Variants in ZPLD1 observed in about 807,000 individuals in gnomAD.
The protein encoded by ZPLD1 is zona pellucida-like domain-containing protein 1.
Under a neutral mutation model 47.2 loss-of-function variants are expected in ZPLD1, and 34 were observed. That is an observed-to-expected ratio of 0.72 (90% CI 0.55 to 0.96). The LOEUF (loss-of-function observed/expected upper bound fraction) is 0.96, where lower values mean the gene tolerates loss of function less well. Among genes scored for constraint, ZPLD1 ranks in the 40% least tolerant of loss-of-function variants. The pLI is 0.00. For missense variants in ZPLD1, 512 were observed against 505.8 expected (o/e 1.01, Z -0.12); for synonymous variants, 176 against 186.2 (o/e 0.95, Z 0.45).
upstream of ZPLD1, among the ~76,000 whole-genome samples, chr3:102,432,211 A>G (rs1012559800): frequency 2.0e-5 from 3 of 152,174 alleles, no homozygotes; most frequent in Non-Finnish European, 4.4e-5. Context: ...TTTTCTGCAG[A>G]GCAGGTTTGA....
chr3:102,411,973 G>A (rs1055049524), intron 7 of ZPLD1, among the ~76,000 whole-genome samples: 5 of 151,786 alleles, frequency 3.3e-5, no homozygotes, highest in East Asian at 3.9e-4. Flanking sequence ...TCTGTAGGGC[G>A]GACTGGCAGG....
intron 8 of ZPLD1, among the ~76,000 whole-genome samples, chr3:102,429,048 T>C (rs1185990651): frequency 2.0e-5 from 3 of 152,156 alleles, no homozygotes; most frequent in South Asian, 2.1e-4. Flanking sequence ...AATTACTTAT[T>C]AGTCAAAGGT....
chr3:102,464,342 G>C, intron 8 of ZPLD1, 91 bp downstream of exon 8: 8 of 911,024 alleles, frequency 8.8e-6, no homozygotes, highest in Non-Finnish European at 1.2e-5. Context: ...AAATTATAAA[G>C]CACTATTATA....
chr3:102,458,977 C>G (rs1243350186), intron 6 of ZPLD1, among the ~76,000 whole-genome samples: 1 of 150,726 alleles, frequency 6.6e-6, no homozygotes, highest in Non-Finnish European at 1.5e-5. Context: ...GTAGTCCCAG[C>G]TACTCGGGAG....
upstream of ZPLD1, among the ~76,000 whole-genome samples, chr3:102,433,293 T>C (rs1707039020): frequency 1.3e-5 from 2 of 152,194 alleles, no homozygotes; most frequent in Admixed American, 6.5e-5. Context: ...GGGTTGTTTC[T>C]GTAGTCATTG....
At chr3:102,422,120 T>A (rs1706886943) in intron 8 of ZPLD1, among the ~76,000 whole-genome samples, 1 of 152,018 alleles carries the variant, frequency 6.6e-6, no homozygotes, top group Non-Finnish European at 1.5e-5. Context: ...CACTATCCCC[T>A]TTGTAGCAAG....
intron 8 of ZPLD1, among the ~76,000 whole-genome samples, chr3:102,427,238 C>T (rs1303994896): frequency 6.6e-6 from 1 of 152,026 alleles, no homozygotes; most frequent in Non-Finnish European, 1.5e-5. Flanking sequence ...AAAAGTATAC[C>T]ACCAATAGCG....
rs563097750 is a variant in ZPLD1, at chr3:102,461,154, C to T, written c.583-1127C>T. 5.3e-5 allele frequency among the ~76,000 whole-genome samples: 8 copies of T among 152,036 alleles called. No homozygotes were observed. The South Asian group carries it at 1.5e-3, about 28-fold the overall frequency. The stretch of plus-strand genomic sequence containing the variant: ...CAAAATATTTTGCTTTCTTCCAAGC[C>T]TTCTAAAGATATTATGGTTGATATG... On this transcript the variant is annotated intron_variant, in intron 6 of 11. Coordinates refer to ENST00000466937, the MANE Select transcript of ZPLD1 (RefSeq NM_001329788.2).
chr3:102,387,190 C>T (rs1379061928), intron 6 of ZPLD1, among the ~76,000 whole-genome samples: 1 of 152,186 alleles, frequency 6.6e-6, no homozygotes, highest in Non-Finnish European at 1.5e-5. Context: ...ATGTGACTGC[C>T]TGTGGCCTTC....
Position 102,463,883 on chromosome 3 carries a change from C to CAAA in ZPLD1, c.681-272_681-270dup, listed in dbSNP as rs1211126564. 4.4e-3 allele frequency among the ~76,000 whole-genome samples: 486 copies of CAAA among 110,152 alleles called. 6 individuals are homozygous for CAAA. Among genetic ancestry groups the CAAA allele is most frequent in the African/African-American group, 0.014 (428 of 29,854 alleles). The allele number at this position is 110,152 out of a possible 152,430, so 72.3% of individuals were successfully genotyped here. A position where few individuals can be genotyped will look rare whatever the true frequency, so the allele number is the denominator to read the frequency against. On this transcript the variant is annotated intron_variant, in intron 7 of 11. Coordinates refer to ENST00000466937, the MANE Select transcript of ZPLD1 (RefSeq NM_001329788.2). ...TGAAACCCCGTCTCTATTAAAAATA[C>CAAA]AAAAAAAAAAAAAAAAAATAGCCGG... is the stretch of plus-strand genomic sequence containing the variant.
chr3:102,457,379 T>C (rs1247343484), intron 5 of ZPLD1, among the ~76,000 whole-genome samples: 4 of 152,206 alleles, frequency 2.6e-5, no homozygotes, highest in Non-Finnish European at 5.9e-5. Flanking sequence ...GATTATTCAA[T>C]TTATCATTTA....
At chr3:102,469,276 AG>A in intron 9 of ZPLD1, 141 bp downstream of exon 9, 1 of 900,186 alleles carries the variant, frequency 1.1e-6, no homozygotes, top group Non-Finnish European at 1.6e-6. Context: ...TCATTTGTCT[AG>A]TAAAGATCTG....
intron 7 of ZPLD1, among the ~76,000 whole-genome samples, chr3:102,406,047 G>T (rs1042263039): frequency 2.6e-5 from 4 of 151,828 alleles, no homozygotes; most frequent in Non-Finnish European, 5.9e-5. Flanking sequence ...GTCTGTGATG[G>T]GATCTGACAG....
At chr3:102,439,014 G>C (rs1707134553) in intron 3 of ZPLD1, among the ~76,000 whole-genome samples, 1 of 152,126 alleles carries the variant, frequency 6.6e-6, no homozygotes, top group African/African-American at 2.4e-5. Flanking sequence ...ATGAAATGAT[G>C]ATTACCACAA....
chr3:102,461,505 A>T (rs775622430), intron 6 of ZPLD1, among the ~76,000 whole-genome samples: 6 of 152,038 alleles, frequency 3.9e-5, no homozygotes, highest in Non-Finnish European at 8.8e-5. Flanking sequence ...ATACCCTTCT[A>T]TAAGTGACCT....
intron 7 of ZPLD1, among the ~76,000 whole-genome samples, chr3:102,398,877 C>T (rs900921824): frequency 6.9e-5 from 10 of 144,112 alleles, no homozygotes; most frequent in East Asian, 5.8e-4. Flanking sequence ...TGCGTGCGCA[C>T]GCACACACAC....
intron 3 of ZPLD1, among the ~76,000 whole-genome samples, chr3:102,439,143 T>C (rs1466257400): frequency 1.3e-5 from 2 of 152,216 alleles, no homozygotes; most frequent in Non-Finnish European, 2.9e-5. Context: ...CATTCAATGA[T>C]AAGTTACTCA....
At chr3:102,473,143 A>G (rs553123597) in intron 10 of ZPLD1, among the ~76,000 whole-genome samples, 51 of 152,314 alleles carry the variant, frequency 3.3e-4, no homozygotes, top group Non-Finnish European at 5.9e-4. Flanking sequence ...ATTACCTCCC[A>G]CAACATGTGG....
chr3:102,411,133 G>A (rs1382096471), intron 7 of ZPLD1, among the ~76,000 whole-genome samples: 17 of 151,708 alleles, frequency 1.1e-4, no homozygotes, highest in African/African-American at 2.2e-4. Flanking sequence ...TAAATAACAC[G>A]AAGTGGTTTC....
Sources: gnomAD v4.1 joint callset for allele counts (sites outside exome capture counted in the v4.1 genomes callset) on GRCh38, gnomAD v4.1.1 for gene constraint, MANE v1.5 for transcripts, NCBI Gene and HGNC (gene_info 2026-07-23, HGNC 2026-07-21) for gene names.